The following ERC2 variants were observed in gnomAD, a reference collection of about 807,000 sequenced individuals.
ERC2 encodes the protein ELKS/RAB6-interacting/CAST family member 2.
A neutral mutation model predicts 114.8 loss-of-function variants in ERC2; 42 were observed. The ratio of observed to expected loss-of-function variants is 0.37; its 90% CI spans 0.29 to 0.47. The LOEUF is 0.47. ERC2 is among the 20% of genes least tolerant of loss of function. The pLI is 0.99. For synonymous variants in ERC2, 454 were observed against 425.5 expected (o/e 1.07, Z -0.82); for missense variants, 939 against 1,150.7 (o/e 0.82, Z 2.66).
At chr3:56,081,084 T>C in intron 6 of ERC2, 100 bp from the exon 7 acceptor site, 1 of 1,287,480 alleles carries the variant, frequency 7.8e-7, no homozygotes, top group Admixed American at 2.4e-5. Flanking sequence ...GCATGTTTAC[T>C]GAGCAAGGCA....
At chr3:55,800,474 T>A (rs2149099551) in intron 14 of ERC2, among the ~76,000 whole-genome samples, 1 of 152,206 alleles carries the variant, frequency 6.6e-6, no homozygotes, top group East Asian at 1.9e-4. Flanking sequence ...ACTAAGTGAC[T>A]TTTTTCTCCC....
chr3:55,706,243 T>G (rs577625989), intron 15 of ERC2, among the ~76,000 whole-genome samples: 1 of 152,176 alleles, frequency 6.6e-6, no homozygotes, highest in Non-Finnish European at 1.5e-5. Context: ...AAACTGCCCA[T>G]TGATGCACCC....
intron 4 of ERC2, among the ~76,000 whole-genome samples, chr3:56,161,570 C>T (rs1269186846): frequency 6.6e-6 from 1 of 152,116 alleles, no homozygotes; most frequent in Non-Finnish European, 1.5e-5. Context: ...TCTGTGATTT[C>T]TTTGAGCAGT....
chr3:56,380,465 T>A (rs1451594227), intron 2 of ERC2, among the ~76,000 whole-genome samples: 1 of 151,674 alleles, frequency 6.6e-6, no homozygotes, highest in African/African-American at 2.4e-5. Flanking sequence ...CACCGAGAAG[T>A]TCTCCTGCCA....
chr3:56,393,888 C>T (rs574272115), intron 2 of ERC2, among the ~76,000 whole-genome samples: 2 of 152,064 alleles, frequency 1.3e-5, no homozygotes, highest in Non-Finnish European at 2.9e-5. Context: ...TCTTGACCCC[C>T]TGATCACCTG....
intron 14 of ERC2, among the ~76,000 whole-genome samples, chr3:55,824,784 T>G (rs932571557): frequency 9.9e-5 from 15 of 152,194 alleles, no homozygotes; most frequent in African/African-American, 3.6e-4. Context: ...ACATTAAACT[T>G]TAAGAAGCAT....
At chr3:55,708,808 A>G (rs1396933939) in intron 15 of ERC2, among the ~76,000 whole-genome samples, 1 of 151,958 alleles carries the variant, frequency 6.6e-6, no homozygotes, top group Admixed American at 6.6e-5. Context: ...GGAGACTGGG[A>G]ATAAATAAAG....
At chr3:55,565,073 G>C (rs2056279722) in intron 17 of ERC2, among the ~76,000 whole-genome samples, 1 of 152,172 alleles carries the variant, frequency 6.6e-6, no homozygotes, top group South Asian at 2.1e-4. Flanking sequence ...GGATGGGAGA[G>C]CAGCAGGTTA....
intron 17 of ERC2, chr3:55,610,972 CA>C (rs2058887012): frequency 6.6e-6 from 1 of 152,028 alleles, no homozygotes; most frequent in Non-Finnish European, 1.5e-5. Context: ...ATTCAAAACC[CA>C]AAGCTAAAAA....
rs377614594 is a variant in ERC2 at position 56,286,065 on chromosome 3, A to G, written c.1074+9954T>C. ...GGTGCAGACTTTCGTGATAACTGAC[A>G]ATACCCAATGTGTTAGGAATCAGAG... is the stretch of plus-strand genomic sequence containing the variant. On this transcript the variant is annotated intron_variant, in intron 3 of 17. Coordinates refer to ENST00000288221, the MANE Select transcript of ERC2 (RefSeq NM_015576.3). Among the ~76,000 whole-genome samples the G allele has an allele frequency of 1.6e-4, 24 of 152,280 alleles. 1 individual carries two copies. In the East Asian group the frequency reaches 4.6e-3, roughly 29 times the overall value.
intron 13 of ERC2, among the ~76,000 whole-genome samples, chr3:55,900,128 A>G (rs762457562): frequency 2.0e-5 from 3 of 152,062 alleles, no homozygotes; most frequent in Non-Finnish European, 4.4e-5. Context: ...CGGTGGGGAG[A>G]GCCCAATTGT....
intron 17 of ERC2, among the ~76,000 whole-genome samples, chr3:55,670,870 G>A (rs1312704674): frequency 6.6e-6 from 1 of 152,154 alleles, no homozygotes; most frequent in Non-Finnish European, 1.5e-5. Flanking sequence ...GTGACACATG[G>A]AAATGATATG....
chr3:56,173,980 T>G (rs60384923), intron 3 of ERC2: 12,585 of 155,676 alleles, frequency 0.081, 706 homozygotes, highest in Admixed American at 0.15. Flanking sequence ...TAAAACCATT[T>G]CAGTACAACT....
intron 8 of ERC2, among the ~76,000 whole-genome samples, chr3:56,012,155 T>C (rs1371639947): frequency 6.6e-6 from 1 of 152,104 alleles, no homozygotes; most frequent in Non-Finnish European, 1.5e-5. Flanking sequence ...GAGAAGGAAA[T>C]GGCCACAGTA....
chr3:55,889,797 G>C lies in ERC2; in HGVS notation c.2404-1248C>G, dbSNP rs117102696. On this transcript the variant is annotated intron_variant, in intron 13 of 17. Transcript: ENST00000288221. ...GGCTCATCCATCACTAAAGTCAACA[G>C]AACGCCCTTCAAAATGTGTCAATGA... is the stretch of plus-strand genomic sequence containing the variant. Among the ~76,000 whole-genome samples the C allele has an allele frequency of 3.3e-3, 507 of 152,232 alleles. 9 individuals are homozygous for C. The highest frequency in any genetic ancestry group is 0.014 in the East Asian group (73 of 5,194).
intron 3 of ERC2, among the ~76,000 whole-genome samples, chr3:56,252,412 C>T (rs896513157): frequency 6.6e-6 from 1 of 152,128 alleles, no homozygotes; most frequent in African/African-American, 2.4e-5. Flanking sequence ...CTAGCAATGA[C>T]TGTGGACATC....
chr3:56,216,759 C>T lies in ERC2; in HGVS notation c.1075-43239G>A, dbSNP rs566346611. On this transcript the variant is annotated intron_variant, in intron 3 of 17. Transcript: ENST00000288221. ...AATCCTCAGTAAAATACTGGCAAAC[C>T]AAATCCAGCAGCACATCAAAAAGCT... is the stretch of plus-strand genomic sequence containing the variant. Among the ~76,000 whole-genome samples the T allele has an allele frequency of 1.1e-4, 17 of 152,260 alleles. No homozygotes were observed. The East Asian group carries it at 3.3e-3, about 29-fold the overall frequency.
At chr3:56,219,856 T>A (rs1020373497) in intron 3 of ERC2, among the ~76,000 whole-genome samples, 2 of 152,108 alleles carry the variant, frequency 1.3e-5, no homozygotes, top group African/African-American at 4.8e-5. Context: ...ACTTTACTCC[T>A]GATAAGTTTG....
chr3:55,766,273 GA>G (rs35962584), intron 14 of ERC2, among the ~76,000 whole-genome samples: 31,137 of 95,184 alleles, frequency 0.33, 3,382 homozygotes, highest in East Asian at 0.56. Flanking sequence ...CTCTCCACAA[GA>G]AAAAAAAAAA....
Sources: gnomAD v4.1 joint callset for allele counts (sites outside exome capture counted in the v4.1 genomes callset) on GRCh38, gnomAD v4.1.1 for gene constraint, MANE v1.5 for transcripts, NCBI Gene and HGNC (gene_info 2026-07-23, HGNC 2026-07-21) for gene names.